The following NIPBL variants were observed in gnomAD, a reference collection of about 807,000 sequenced individuals.
NIPBL encodes nipped-B-like protein.
Under a neutral mutation model 321.8 loss-of-function variants are expected in NIPBL, and 19 were observed. That is an observed-to-expected ratio of 0.06 (90% CI 0.04 to 0.09). The LOEUF is 0.09. Among genes scored for constraint, NIPBL ranks in the 10% least tolerant of loss-of-function variants. The pLI is 1.00. For missense variants in NIPBL, 2,210 were observed against 3,327.0 expected (o/e 0.66, Z 8.26); for synonymous variants, 1,106 against 1,114.1 (o/e 0.99, Z 0.14).
chr5:36,994,093 CT>C (rs1745859880), intron 10 of NIPBL, among the ~76,000 whole-genome samples: 1 of 152,122 alleles, frequency 6.6e-6, no homozygotes, highest in Non-Finnish European at 1.5e-5. Context: ...CTAAAGTTGA[CT>C]TCTTTTACTT....
chr5:37,052,353 T>C lies in NIPBL; in HGVS notation c.7063-13T>C, dbSNP rs1579582872. 6 of 1,610,082 alleles carry C rather than the reference T, an allele frequency of 3.7e-6. No homozygotes were observed. The East Asian group carries it at 6.7e-5, about 18-fold the overall frequency. On this transcript the variant is annotated splice_polypyrimidine_tract_variant and intron_variant, in intron 41 of 46. Transcript: ENST00000282516. The stretch of plus-strand genomic sequence containing the variant: ...AATTTCCCTGACAAAAATGAGACTT[T>C]TATTGATTTCAGATGAAAGCAGTGG...
intron 2 of NIPBL, among the ~76,000 whole-genome samples, chr5:36,954,563 C>T: frequency 6.6e-6 from 1 of 152,136 alleles, no homozygotes; most frequent in Admixed American, 6.6e-5. Context: ...GTAGGTAAGG[C>T]ATAAATAGGA....
rs1488267952 is a variant in NIPBL, at chr5:37,051,475, A to G, written c.6955-304A>G. On this transcript the variant is annotated intron_variant, in intron 40 of 46. Coordinates refer to ENST00000282516, the MANE Select transcript of NIPBL (RefSeq NM_133433.4). The stretch of plus-strand genomic sequence containing the variant: ...CTACTGGATTATACATTTGTAGTCT[A>G]TATCATAATCTTAAATAGATATTCT... 11 of 386,118 alleles carry G rather than the reference A, an allele frequency of 2.8e-5. 1 individual carries two copies. Among genetic ancestry groups the G allele is most frequent in the South Asian group, 2.1e-4 (6 of 29,152 alleles). 23.9% of individuals were successfully genotyped at this position (386,118 alleles called of 1,614,324 possible). A position where few individuals can be genotyped will look rare whatever the true frequency, so the allele number is the denominator to read the frequency against.
chr5:37,007,651 C>T lies in NIPBL; in HGVS notation c.4239+177C>T, dbSNP rs751002842. 2.6e-5 allele frequency among the ~76,000 whole-genome samples: 4 copies of T among 152,038 alleles called. No homozygotes were observed. The South Asian group carries it at 8.3e-4, about 31-fold the overall frequency. On this transcript the variant is annotated intron_variant, in intron 18 of 46. Transcript: ENST00000282516. Reference sequence around the variant, plus strand: ...CAGGAGTTTTAAAAAGACATTTTATCAGGAGACAAACAAATGTAGTGTAAA... The same window carrying T: ...CAGGAGTTTTAAAAAGACATTTTATTAGGAGACAAACAAATGTAGTGTAAA...
At chr5:36,953,408 G>A (rs1740619851) in intron 1 of NIPBL, among the ~76,000 whole-genome samples, 1 of 152,160 alleles carries the variant, frequency 6.6e-6, no homozygotes, top group East Asian at 1.9e-4. Flanking sequence ...AACAATAGTA[G>A]CTACTGTACT....
chr5:37,019,166 A>G (rs995817003), intron 24 of NIPBL, 145 bp from the exon 25 acceptor site: 12 of 655,064 alleles, frequency 1.8e-5, no homozygotes, highest in Non-Finnish European at 3.0e-5. Context: ...CGGAAATAAT[A>G]TTTTTCTGTT....
In NIPBL at chr5:37,064,610, C is replaced by T. The variant is rs780857060; in HGVS notation, c.8133C>T (p.Ile2711=). 8 of 1,614,014 alleles carry T rather than the reference C, an allele frequency of 5.0e-6. No homozygotes were observed. The East Asian group carries it at 8.9e-5, about 18-fold the overall frequency. The change falls in exon 47 of 47, where the codon ATC becomes ATT. Residue 2711 remains isoleucine, a synonymous_variant. Coordinates refer to ENST00000282516, the MANE Select transcript of NIPBL (RefSeq NM_133433.4). ...MNESVDVMDV[I]AICCPKYKDR... ...AAAGTGTTGACGTCATGGATGTCAT[C>T]GCTATTTGCTGTCCAAAGTACAAAG...
intron 1 of NIPBL, among the ~76,000 whole-genome samples, chr5:36,898,231 T>C (rs1020785183): frequency 6.6e-6 from 1 of 152,196 alleles, no homozygotes; most frequent in Non-Finnish European, 1.5e-5. Context: ...AGTATGCTTG[T>C]TTAATAAGTT....
intron 1 of NIPBL, among the ~76,000 whole-genome samples, chr5:36,934,194 T>C (rs2149575329): frequency 6.6e-6 from 1 of 152,258 alleles, no homozygotes; most frequent in South Asian, 2.1e-4. Context: ...CAGTGTTATA[T>C]TTTATTTCAA....
At chr5:36,952,475 G>A (rs919709531) in intron 1 of NIPBL, among the ~76,000 whole-genome samples, 5 of 151,986 alleles carry the variant, frequency 3.3e-5, no homozygotes, top group African/African-American at 9.7e-5. Flanking sequence ...TGATTAATGC[G>A]TACATTGTTA....
Position 37,029,423 on chromosome 5 carries a change from A to T in NIPBL, c.5862+2011A>T, listed in dbSNP as rs774944348. On this transcript the variant is annotated intron_variant, in intron 32 of 46. Transcript: ENST00000282516. Reference sequence around the variant, plus strand: ...TTAATATATCTTTTTATTACTGAGTAGTTTCAGTAGTGTGGATATATCATA... The same window carrying T: ...TTAATATATCTTTTTATTACTGAGTTGTTTCAGTAGTGTGGATATATCATA... 2.6e-5 allele frequency among the ~76,000 whole-genome samples: 4 copies of T among 152,142 alleles called. No individual in the cohort carries two copies. In the South Asian group the frequency reaches 6.2e-4, roughly 24 times the overall value.
chr5:37,010,702 G>C (rs923187978), intron 21 of NIPBL, among the ~76,000 whole-genome samples: 1 of 152,098 alleles, frequency 6.6e-6, no homozygotes, highest in Admixed American at 6.6e-5. Flanking sequence ...TGGTTCTGTT[G>C]TATCTATCAG....
intron 32 of NIPBL, 62 bp downstream of exon 32, chr5:37,027,474 G>GTT (rs75728277): frequency 1.7e-3 from 1,562 of 926,454 alleles, no homozygotes; most frequent in Non-Finnish European, 2.0e-3. Flanking sequence ...TGTTGTTGGT[G>GTT]TTTTTTTTTT....
chr5:37,022,436 T>C (rs773687475), intron 29 of NIPBL, 46 bp downstream of exon 29: 1 of 1,536,362 alleles, frequency 6.5e-7, no homozygotes, highest in Admixed American at 1.8e-5. Context: ...AATTTTGCCT[T>C]TCAAGCATCA....
chr5:36,881,647 T>C (rs1215466205), intron 1 of NIPBL, among the ~76,000 whole-genome samples: 1 of 152,004 alleles, frequency 6.6e-6, no homozygotes, highest in Non-Finnish European at 1.5e-5. Context: ...TTCAGGATTC[T>C]ATGTATCTAG....
chr5:37,014,790 G>C lies in NIPBL; in HGVS notation c.4643+25G>C, dbSNP rs745712664. On this transcript the variant is annotated intron_variant, in intron 22 of 46. Transcript: ENST00000282516. The stretch of plus-strand genomic sequence containing the variant: ...AGTGAGTAAAATTAATATAAATCTG[G>C]TTTTTCTTTTCCACAGTATAGAGAA... The C allele has an allele frequency of 4.3e-6, 6 of 1,403,464 alleles. No homozygotes were observed. In the African/African-American group the frequency reaches 8.5e-5, roughly 20 times the overall value. 86.9% of individuals were successfully genotyped at this position (1,403,464 alleles called of 1,614,324 possible). A position where few individuals can be genotyped will look rare whatever the true frequency, so the allele number is the denominator to read the frequency against.
intron 19 of NIPBL, 129 bp from the exon 20 acceptor site, chr5:37,008,494 A>G: frequency 1.6e-6 from 1 of 640,886 alleles, no homozygotes; most frequent in Non-Finnish European, 2.8e-6. Flanking sequence ...AGGAAAATAG[A>G]GCAGCTTACC....
chr5:36,909,599 A>T (rs1268914218), intron 1 of NIPBL, among the ~76,000 whole-genome samples: 1 of 152,212 alleles, frequency 6.6e-6, no homozygotes, highest in African/African-American at 2.4e-5. Flanking sequence ...AATCACAAAA[A>T]TAGTAAAAAC....
rs78892634 is a variant in NIPBL, at chr5:36,993,518, G to A, written c.3122-2104G>A. Among the ~76,000 whole-genome samples the A allele has an allele frequency of 3.0e-3, 450 of 152,240 alleles. 1 individual carries two copies. The highest frequency in any genetic ancestry group is 0.01 in the Middle Eastern group (3 of 294). On this transcript the variant is annotated intron_variant, in intron 10 of 46. Coordinates refer to ENST00000282516, the MANE Select transcript of NIPBL (RefSeq NM_133433.4). ...CCTTGCTCTGGGAACATAATCCATT[G>A]CAGAGAGAGCACAAGAACTAGTACA...
Sources: gnomAD v4.1 joint callset for allele counts (sites outside exome capture counted in the v4.1 genomes callset) on GRCh38, gnomAD v4.1.1 for gene constraint, MANE v1.5 for transcripts, NCBI Gene and HGNC (gene_info 2026-07-23, HGNC 2026-07-21) for gene names.